The following SIK3 variants were observed in gnomAD, a reference collection of about 807,000 sequenced individuals.
SIK3 encodes the protein serine/threonine-protein kinase SIK3.
Under a neutral mutation model 144.2 loss-of-function variants are expected in SIK3, and 28 were observed. The ratio of observed to expected loss-of-function variants is 0.19; its 90% CI spans 0.14 to 0.27. The LOEUF (loss-of-function observed/expected upper bound fraction) is 0.27, where lower values mean the gene tolerates loss of function less well. Among genes scored for constraint, SIK3 ranks in the 10% least tolerant of loss-of-function variants. SIK3 has a pLI of 1.00. For missense variants in SIK3, 1,319 were observed against 1,776.0 expected (o/e 0.74, Z 4.62); for synonymous variants, 686 against 676.3 (o/e 1.01, Z -0.22).
intron 1 of SIK3, among the ~76,000 whole-genome samples, chr11:117,040,477 CAT>C (rs1952690008): frequency 1.3e-5 from 2 of 152,162 alleles, no homozygotes; most frequent in Admixed American, 6.5e-5. Context: ...AAATCTAAGA[CAT>C]GTGCATAAAT....
Position 116,876,011 on chromosome 11 carries a change from T to A in SIK3, c.1096-2A>T. 1 of 1,613,250 alleles carries A rather than the reference T, an allele frequency of 6.2e-7. No individual in the cohort carries two copies. The highest frequency in any genetic ancestry group is 8.5e-7 in the Non-Finnish European group (1 of 1,179,800). On this transcript the variant is annotated splice_acceptor_variant, in intron 8 of 24. Coordinates refer to ENST00000445177, the MANE Select transcript of SIK3 (RefSeq NM_001366686.3). LOFTEE classifies it high-confidence loss of function. ...ATCATAGGCATCTGATCTTAATGAC[T>A]ACCAAGAGAGAAGGGAAAAGAGTAC...
At chr11:116,868,180 A>T (rs376986626) in intron 14 of SIK3, 91 bp from the exon 15 acceptor site, 1 of 1,477,324 alleles carries the variant, frequency 6.8e-7, no homozygotes, top group East Asian at 2.5e-5. Context: ...AAAGCACTCA[A>T]TGAAATAGTG....
chr11:117,023,621 A>AAAATATATAT (rs754624841), intron 1 of SIK3, among the ~76,000 whole-genome samples: 28 of 95,394 alleles, frequency 2.9e-4, no homozygotes, highest in African/African-American at 1.1e-3. Flanking sequence ...AAAAAAAAAA[A>AAAATATATAT]ATATATATAT....
intron 3 of SIK3, among the ~76,000 whole-genome samples, chr11:116,934,604 G>A (rs1442128562): frequency 6.6e-6 from 1 of 152,204 alleles, no homozygotes; most frequent in Non-Finnish European, 1.5e-5. Flanking sequence ...TTTTGAAAAT[G>A]TGGAACTAGA....
chr11:117,016,874 C>G (rs577424258), intron 1 of SIK3, among the ~76,000 whole-genome samples: 10 of 151,968 alleles, frequency 6.6e-5, no homozygotes, highest in Non-Finnish European at 1.3e-4. Context: ...CAAATGTCCA[C>G]CAACAATAGA....
At chr11:117,092,930 A>C (rs1267122446) in intron 1 of SIK3, among the ~76,000 whole-genome samples, 1 of 152,212 alleles carries the variant, frequency 6.6e-6, no homozygotes, top group Non-Finnish European at 1.5e-5. Context: ...GCTGGCACCA[A>C]AGTCAAAATG....
chr11:116,869,491 A>T (rs1351330226), intron 14 of SIK3: 1 of 152,352 alleles, frequency 6.6e-6, no homozygotes. Flanking sequence ...TGTTTTAATA[A>T]CCATTGGATA....
intron 4 of SIK3, among the ~76,000 whole-genome samples, chr11:116,920,693 C>T (rs1946917895): frequency 6.6e-6 from 1 of 152,192 alleles, no homozygotes; most frequent in Non-Finnish European, 1.5e-5. Context: ...ACCTCAAATG[C>T]CATGTCCTCA....
chr11:116,982,757 C>T (rs1001727107), intron 1 of SIK3, among the ~76,000 whole-genome samples: 6 of 151,104 alleles, frequency 4.0e-5, no homozygotes, highest in African/African-American at 1.5e-4. Flanking sequence ...ACATCAAGGC[C>T]AACATGGTGA....
At chr11:117,092,086 C>G (rs1315147523) in intron 1 of SIK3, among the ~76,000 whole-genome samples, 1 of 152,068 alleles carries the variant, frequency 6.6e-6, no homozygotes, top group Non-Finnish European at 1.5e-5. Flanking sequence ...CATCCAGCCA[C>G]GTTTTAAAAA....
intron 16 of SIK3, among the ~76,000 whole-genome samples, chr11:116,863,073 CAA>C (rs144760564): frequency 4.3e-4 from 50 of 115,390 alleles, no homozygotes; most frequent in Admixed American, 9.8e-4. Flanking sequence ...GACTTGGTCT[CAA>C]AAAAAAAAAA....
intron 4 of SIK3, among the ~76,000 whole-genome samples, chr11:116,910,782 A>G (rs1443953551): frequency 1.3e-5 from 2 of 152,220 alleles, no homozygotes; most frequent in African/African-American, 4.8e-5. Context: ...AAAAAAATCC[A>G]GAAGAATGAC....
chr11:116,918,222 C>T (rs190889470), intron 4 of SIK3, among the ~76,000 whole-genome samples: 3 of 152,306 alleles, frequency 2.0e-5, no homozygotes, highest in African/African-American at 7.2e-5. Flanking sequence ...TTATTCAATG[C>T]TGTGCCCAAC....
intron 1 of SIK3, among the ~76,000 whole-genome samples, chr11:117,045,841 T>G (rs1019610328): frequency 6.6e-6 from 1 of 152,244 alleles, no homozygotes; most frequent in African/African-American, 2.4e-5. Flanking sequence ...CTAAAACGCA[T>G]ATACTGTGTA....
chr11:116,905,423 G>C (rs1292364942), intron 4 of SIK3, among the ~76,000 whole-genome samples: 2 of 152,168 alleles, frequency 1.3e-5, no homozygotes, highest in Admixed American at 1.3e-4. Context: ...ACATTTATGT[G>C]AGTTTCTGTG....
chr11:117,087,315 C>A (rs1955059860), intron 1 of SIK3, among the ~76,000 whole-genome samples: 1 of 151,934 alleles, frequency 6.6e-6, no homozygotes, highest in Non-Finnish European at 1.5e-5. Context: ...TGGCTATGGG[C>A]ACCTGTAATC....
intron 1 of SIK3, among the ~76,000 whole-genome samples, chr11:117,022,579 C>A (rs1223019436): frequency 6.6e-6 from 1 of 152,200 alleles, no homozygotes; most frequent in Non-Finnish European, 1.5e-5. Flanking sequence ...TGGACACTTT[C>A]ATCTGCCTGT....
intron 1 of SIK3, among the ~76,000 whole-genome samples, chr11:117,025,977 G>GA (rs533828086): frequency 7.3e-5 from 11 of 151,416 alleles, no homozygotes; most frequent in Admixed American, 3.3e-4. Context: ...CATTTGTATT[G>GA]AAAAAAAATG....
intron 6 of SIK3, among the ~76,000 whole-genome samples, chr11:116,883,803 G>A (rs1449069312): frequency 3.3e-5 from 5 of 152,006 alleles, no homozygotes; most frequent in South Asian, 2.1e-4. Flanking sequence ...GCATGGTGGC[G>A]TGTGCCTGTA....
Sources: gnomAD v4.1 joint callset for allele counts (sites outside exome capture counted in the v4.1 genomes callset) on GRCh38, gnomAD v4.1.1 for gene constraint, MANE v1.5 for transcripts, NCBI Gene and HGNC (gene_info 2026-07-23, HGNC 2026-07-21) for gene names.